CMYA5: variants seen among roughly 807,000 people sequenced by gnomAD.
CMYA5 encodes the protein cardiomyopathy associated 5, also known as cardiomyopathy-associated protein 5.
Under a neutral mutation model 318.9 loss-of-function variants are expected in CMYA5, and 246 were observed. That is an observed-to-expected ratio of 0.77 (90% confidence interval 0.70 to 0.86). CMYA5 has a LOEUF of 0.86. Ranked by LOEUF, CMYA5 falls within the 40% of genes least tolerant of loss-of-function variation. The probability of loss-of-function intolerance (pLI) is 0.00; values close to 1 mark genes in which losing one functional copy is unlikely to be tolerated. For synonymous variants in CMYA5, 1,641 were observed against 1,729.5 expected (o/e 0.95, Z 1.27); for missense variants, 4,589 against 4,678.2 (o/e 0.98, Z 0.56).
intron 9 of CMYA5, among the ~76,000 whole-genome samples, chr5:79,769,447 C>T (rs757826656): frequency 3.9e-5 from 6 of 152,014 alleles, no homozygotes; most frequent in Admixed American, 6.5e-5. Flanking sequence ...ATCTACCTTT[C>T]GTCTTTGATG....
Position 79,758,904 on chromosome 5 carries a change from T to C in CMYA5, c.11260+2T>C, listed in dbSNP as rs1828589549. 2 of 1,569,678 alleles carry C rather than the reference T, an allele frequency of 1.3e-6. No homozygotes were observed. Among genetic ancestry groups the C allele is most frequent in the Non-Finnish European group, 1.7e-6 (2 of 1,158,496 alleles). On this transcript the variant is annotated splice_donor_variant, in intron 7 of 12. Coordinates refer to ENST00000446378, the MANE Select transcript of CMYA5 (RefSeq NM_153610.5). LOFTEE classifies it high-confidence loss of function. ...CACAAGATGATCAAGAAGTAAATGG[T>C]AGGATTGCTAACACAAATACAAATG...
chr5:79,722,505 C>G (rs1247875718), intron 1 of CMYA5, among the ~76,000 whole-genome samples: 1 of 151,794 alleles, frequency 6.6e-6, no homozygotes, highest in Non-Finnish European at 1.5e-5. Context: ...GATGAAACAC[C>G]ATGTCTACTA....
At chr5:79,798,621 G>A (rs909246222) in intron 12 of CMYA5, among the ~76,000 whole-genome samples, 3 of 152,182 alleles carry the variant, frequency 2.0e-5, no homozygotes, top group South Asian at 2.1e-4. Flanking sequence ...TCAAATGTGG[G>A]CAGTTTTTCC....
In CMYA5 at chr5:79,689,943, C is replaced by G. The variant is rs1185276453; in HGVS notation, c.36C>G (p.Ser12Arg). 1 of 1,045,484 alleles carries G rather than the reference C, an allele frequency of 9.6e-7. No homozygotes were observed. The highest frequency in any genetic ancestry group is 2.7e-5 in the East Asian group (1 of 37,310). 64.8% of individuals were successfully genotyped at this position (1,045,484 alleles called of 1,614,324 possible). ...GCGATAGCAACCACGCTGGCGAGAG[C>G]TTTCTCGGCTCCGACGGGGACGAGG... ...ASRDSNHAGESFLGSDGDEEA... is the reference protein window; with the variant it reads ...ASRDSNHAGERFLGSDGDEEA... Residue 12 changes from serine to arginine, a missense_variant, in exon 1 of 13, where the codon AGC becomes AGG. Coordinates refer to ENST00000446378, the MANE Select transcript of CMYA5 (RefSeq NM_153610.5).
chr5:79,714,624 G>A (rs1190022411), intron 1 of CMYA5, among the ~76,000 whole-genome samples: 1 of 151,712 alleles, frequency 6.6e-6, no homozygotes, highest in African/African-American at 2.4e-5. Flanking sequence ...TTTTTTTGTA[G>A]TGATGGGATC....
chr5:79,787,728 TC>T (rs1174476339), intron 9 of CMYA5, among the ~76,000 whole-genome samples: 1 of 152,212 alleles, frequency 6.6e-6, no homozygotes, highest in Non-Finnish European at 1.5e-5. Context: ...ACCCCTGCCT[TC>T]TGAGGAGCAC....
intron 5 of CMYA5, among the ~76,000 whole-genome samples, chr5:79,750,757 T>C (rs1437103776): frequency 3.3e-5 from 5 of 152,204 alleles, no homozygotes; most frequent in Non-Finnish European, 7.3e-5. Context: ...TGTGTTATAA[T>C]AATGAAAGGA....
rs1160246034 is a variant in CMYA5 at position 79,729,816 on chromosome 5, G to A, written c.1051G>A (p.Ala351Thr). 6.2e-7 allele frequency: 1 copy of A among 1,613,532 alleles called. No individual in the cohort carries two copies. The change falls in exon 2 of 13, where the codon GCA becomes ACA. Residue 351 changes from alanine (A) to threonine (T), a missense_variant. Transcript: ENST00000446378. ...TCCCTCTTATTCAAGTAGTGGCAGAGCAGAACAAGGAATACAGCTCAGGCA... is the reference window on the plus strand; with the variant it reads ...TCCCTCTTATTCAAGTAGTGGCAGAACAGAACAAGGAATACAGCTCAGGCA... Reference protein sequence around the residue: ...TVPSYSSSGRAEQGIQLRHSQ... With the variant: ...TVPSYSSSGRTEQGIQLRHSQ...
chr5:79,752,768 G>C lies in CMYA5; in HGVS notation c.11084G>C (p.Ser3695Thr). The part of the protein sequence containing the change: ...FEHYDDSSAR[S>T]DQMLKQVAVP... ...CATTATGATGACAGCTCGGCAAGAA[G>C]TGACCAGATGTTAAAACAAGTGGCT... is the stretch of plus-strand genomic sequence containing the variant. Residue 3695 changes from serine to threonine, a missense_variant, in exon 6 of 13, where the codon AGT becomes ACT. Transcript: ENST00000446378. 1 of 1,613,364 alleles carries C rather than the reference G, an allele frequency of 6.2e-7. No homozygotes were observed. Among genetic ancestry groups the C allele is most frequent in the Non-Finnish European group, 8.5e-7 (1 of 1,179,498 alleles).
Position 79,799,968 on chromosome 5 carries a change from G to A in CMYA5, c.*352G>A, listed in dbSNP as rs1362432437. The A allele has an allele frequency of 5.9e-6, 1 of 169,576 alleles. No individual in the cohort carries two copies. Among genetic ancestry groups the A allele is most frequent in the African/African-American group, 2.4e-5 (1 of 41,854 alleles). The allele number at this position is 169,576 out of a possible 1,614,324, so 10.5% of individuals were successfully genotyped here. On this transcript the variant is annotated 3_prime_UTR_variant, in exon 13 of 13. Transcript: ENST00000446378. ...CCTCTGATGGACAGGTCAGAGTGAA[G>A]GAAGGTTGTGCTGGTAAGACATCTC...
chr5:79,693,746 C>A (rs1827015741), intron 1 of CMYA5, among the ~76,000 whole-genome samples: 1 of 152,120 alleles, frequency 6.6e-6, no homozygotes, highest in African/African-American at 2.4e-5. Context: ...TATTGAACTC[C>A]TACAATGTGC....
chr5:79,773,667 TACTC>T (rs1349705619), intron 9 of CMYA5, among the ~76,000 whole-genome samples: 2 of 152,138 alleles, frequency 1.3e-5, no homozygotes, highest in East Asian at 1.9e-4. Flanking sequence ...TCTGTGTAGA[TACTC>T]AATAAATGTC....
chr5:79,701,885 T>A (rs1328368785), intron 1 of CMYA5, among the ~76,000 whole-genome samples: 3 of 151,476 alleles, frequency 2.0e-5, no homozygotes, highest in African/African-American at 7.3e-5. Flanking sequence ...CCCAGCACTT[T>A]GGGAGGCCGA....
At position 79,799,486 on chromosome 5, in the gene CMYA5, G is replaced by A. The variant is rs1829332956; in HGVS notation, c.12080G>A (p.Ser4027Asn). The A allele has an allele frequency of 6.2e-7, 1 of 1,613,920 alleles. No individual in the cohort carries two copies. Among genetic ancestry groups the A allele is most frequent in the Non-Finnish European group, 8.5e-7 (1 of 1,179,906 alleles). The change falls in exon 13 of 13, where the codon AGC becomes AAC. Residue 4027 changes from serine to asparagine, a missense_variant. Around this residue, in one of 3 missense-constraint regions of CMYA5, gnomAD observed 2,431 missense variants for 2,495.1 expected, o/e 0.97. Transcript: ENST00000446378. ...NQRLIFINAESEQLLFIIRHR... is the reference protein window; with the variant it reads ...NQRLIFINAENEQLLFIIRHR... Reference sequence around the variant, plus strand: ...AGACTTATCTTCATCAACGCAGAGAGCGAGCAGTTGCTCTTCATCATCAGG... The same window carrying A: ...AGACTTATCTTCATCAACGCAGAGAACGAGCAGTTGCTCTTCATCATCAGG...
rs750595672 is a variant in CMYA5, at chr5:79,763,201, GGGCC to G, written c.11548_11551del (p.Gly3850SerfsTer12). On this transcript the variant is annotated frameshift_variant, in exon 9 of 13. Coordinates refer to ENST00000446378, the MANE Select transcript of CMYA5 (RefSeq NM_153610.5). LOFTEE classifies it high-confidence loss of function. ...GCAGACAGCACTCTCCTGAGGGAGA[GGGCC>G]TCAGGTGAGGGGCCCTCTCCATGGG... 1.1e-5 allele frequency: 18 copies of G among 1,603,598 alleles called. No homozygotes were observed. Among genetic ancestry groups the G allele is most frequent in the Non-Finnish European group, 1.4e-5 (17 of 1,176,100 alleles).
chr5:79,799,860 TTTCCTAAATTAA>T lies in CMYA5; in HGVS notation c.*245_*256del. 2 of 283,470 alleles carry T rather than the reference TTTCCTAAATTAA, an allele frequency of 7.1e-6. No individual in the cohort carries two copies. The highest frequency in any genetic ancestry group is 6.5e-6 in the Non-Finnish European group (1 of 153,794). 17.6% of individuals were successfully genotyped at this position (283,470 alleles called of 1,614,324 possible). A position where few individuals can be genotyped will look rare whatever the true frequency, so the allele number is the denominator to read the frequency against. ...CTTTAGTTTATATAAGTTTGAGTTC[TTTCCTAAATTAA>T]AAGATCTACACTTGAGTTGGGAACC... On this transcript the variant is annotated 3_prime_UTR_variant, in exon 13 of 13. Transcript: ENST00000446378.
chr5:79,698,331 C>T (rs999976042), intron 1 of CMYA5, among the ~76,000 whole-genome samples: 2 of 152,030 alleles, frequency 1.3e-5, no homozygotes, highest in African/African-American at 4.8e-5. Context: ...AAAAAAAACA[C>T]CTGATAGAAC....
At position 79,799,858 on chromosome 5, in the gene CMYA5, T is replaced by A; in HGVS notation, c.*242T>A. The A allele has an allele frequency of 9.6e-6, 2 of 207,470 alleles. No homozygotes were observed. Among genetic ancestry groups the A allele is most frequent in the Non-Finnish European group, 1.7e-5 (2 of 115,052 alleles). 12.9% of individuals were successfully genotyped at this position (207,470 alleles called of 1,614,324 possible). ...CTCTTTAGTTTATATAAGTTTGAGT[T>A]CTTTCCTAAATTAAAAGATCTACAC... On this transcript the variant is annotated 3_prime_UTR_variant, in exon 13 of 13. Transcript: ENST00000446378.
At position 79,734,319 on chromosome 5, in the gene CMYA5, A is replaced by G. The variant is rs370642079; in HGVS notation, c.5554A>G (p.Lys1852Glu). The G allele has an allele frequency of 2.9e-5, 46 of 1,613,760 alleles. No individual in the cohort carries two copies. Among genetic ancestry groups the G allele is most frequent in the Non-Finnish European group, 3.1e-5 (36 of 1,179,806 alleles). The change falls in exon 2 of 13, where the codon AAG becomes GAG. Residue 1852 changes from lysine (K) to glutamate (E), a missense_variant. This residue lies in a region of CMYA5 where 2,132 missense variants were observed against 2,131.3 expected (regional missense o/e 1.00). Transcript: ENST00000446378. ...SSEDKQDLGI[K>E]QFSLMRENLP... ...TGAAGATAAACAAGATCTGGGTATTAAGCAGTTTTCACTTATGAGAGAGAA... is the reference window on the plus strand; with the variant it reads ...TGAAGATAAACAAGATCTGGGTATTGAGCAGTTTTCACTTATGAGAGAGAA...
Sources: allele counts gnomAD v4.1 joint callset (sites outside exome capture counted in the v4.1 genomes callset), GRCh38; gene constraint gnomAD v4.1.1; regional missense constraint gnomAD v4.1.1; transcripts MANE v1.5; gene names NCBI Gene and HGNC (gene_info 2026-07-23, HGNC 2026-07-21).